ENTHD1: variants seen among roughly 807,000 people sequenced by gnomAD.
ENTHD1 encodes the protein ENTH domain containing 1.
ENTHD1 carries 23 observed loss-of-function variants against 39.1 expected under a neutral mutation model. The observed-to-expected ratio is 0.59, with a 90% CI of 0.42 to 0.83. ENTHD1 has a LOEUF of 0.83. Among genes scored for constraint, ENTHD1 ranks in the 40% least tolerant of loss-of-function variants. The pLI is 0.00. For missense variants in ENTHD1, 624 were observed against 705.4 expected (o/e 0.88, Z 1.31); for synonymous variants, 230 against 258.2 (o/e 0.89, Z 1.05).
At chr22:39,859,080 G>C (rs768823887) in intron 3 of ENTHD1, among the ~76,000 whole-genome samples, 2 of 152,170 alleles carry the variant, frequency 1.3e-5, no homozygotes, top group Non-Finnish European at 2.9e-5. Flanking sequence ...TGTGTGTTAT[G>C]GTGACAGTTG....
chr22:39,867,280 T>C lies in ENTHD1; in HGVS notation c.350-5273A>G, dbSNP rs368591597. 1.8e-3 allele frequency among the ~76,000 whole-genome samples: 269 copies of C among 152,278 alleles called. 1 individual carries two copies. Among genetic ancestry groups the C allele is most frequent in the African/African-American group, 6.0e-3 (250 of 41,558 alleles). On this transcript the variant is annotated intron_variant, in intron 2 of 6. Transcript: ENST00000325157. The surrounding 1 kb of genome is among the most constrained non-coding windows in gnomAD (Gnocchi z 4.5). ...ATGGTAAATTCAAAGATCTTTGGCA[T>C]TGAGATGCACCACTAGGAAAAATAT...
chr22:39,824,105 C>T (rs2065805407), intron 4 of ENTHD1, among the ~76,000 whole-genome samples: 1 of 151,728 alleles, frequency 6.6e-6, no homozygotes, highest in Non-Finnish European at 1.5e-5. Context: ...TCTTTCCATC[C>T]TCTTAACAGG....
chr22:39,874,799 A>C (rs1292869312), intron 2 of ENTHD1, among the ~76,000 whole-genome samples: 2 of 152,248 alleles, frequency 1.3e-5, no homozygotes, highest in Non-Finnish European at 2.9e-5. Flanking sequence ...GGAAATGCAA[A>C]TTAAAACCAA....
chr22:39,813,942 C>T (rs1313019125), intron 5 of ENTHD1, among the ~76,000 whole-genome samples: 3 of 151,966 alleles, frequency 2.0e-5, no homozygotes, highest in African/African-American at 4.8e-5. Context: ...TAAAATGACA[C>T]ATTTTAGAGT....
intron 5 of ENTHD1, among the ~76,000 whole-genome samples, chr22:39,795,815 C>G (rs1451531007): frequency 6.6e-6 from 1 of 152,058 alleles, no homozygotes; most frequent in Admixed American, 6.6e-5. Flanking sequence ...CTTAGTAAAT[C>G]AGGAATTTAT....
rs11367784 is a variant in ENTHD1 at position 39,766,019 on chromosome 22, C to CAAAAAAA, written c.833-417_833-411dup. Among the ~76,000 whole-genome samples the CAAAAAAA allele has an allele frequency of 4.4e-3, 213 of 48,352 alleles. 1 individual carries two copies. Among genetic ancestry groups the CAAAAAAA allele is most frequent in the South Asian group, 5.7e-3 (4 of 700 alleles). 31.7% of individuals were successfully genotyped at this position (48,352 alleles called of 152,430 possible). A position where few individuals can be genotyped will look rare whatever the true frequency, so the allele number is the denominator to read the frequency against. On this transcript the variant is annotated intron_variant, in intron 5 of 6. Transcript: ENST00000325157. ...TCTATCCTTACAGAACCCTCAGCTA[C>CAAAAAAA]AAAAAAAAAAAAAAAAAAAAAAAAA...
intron 5 of ENTHD1, among the ~76,000 whole-genome samples, chr22:39,776,832 C>T (rs1178154340): frequency 6.6e-6 from 1 of 152,124 alleles, no homozygotes; most frequent in Non-Finnish European, 1.5e-5. Flanking sequence ...AGAGATTTTG[C>T]CTGCAGATAG....
At chr22:39,843,561 GTAAC>G (rs2065963478) in intron 3 of ENTHD1, among the ~76,000 whole-genome samples, 1 of 151,826 alleles carries the variant, frequency 6.6e-6, no homozygotes, top group Non-Finnish European at 1.5e-5. Flanking sequence ...GTATACATAT[GTAAC>G]TAACCTGCAC....
At chr22:39,792,533 C>T (rs1030492301) in intron 5 of ENTHD1, among the ~76,000 whole-genome samples, 2 of 152,086 alleles carry the variant, frequency 1.3e-5, no homozygotes, top group African/African-American at 4.8e-5. Context: ...AATTGCAAAT[C>T]TGTGCTGATG....
intron 2 of ENTHD1, among the ~76,000 whole-genome samples, chr22:39,878,402 T>A (rs2066308596): frequency 6.6e-6 from 1 of 151,856 alleles, no homozygotes; most frequent in Admixed American, 6.6e-5. Context: ...TGTGAAACAG[T>A]CACTGATAAT....
At chr22:39,757,463 G>T (rs551314463) in intron 6 of ENTHD1, among the ~76,000 whole-genome samples, 20 of 152,014 alleles carry the variant, frequency 1.3e-4, no homozygotes, top group Non-Finnish European at 2.8e-4. Flanking sequence ...AAAATTTTCG[G>T]CCAGGTGCAG....
chr22:39,782,316 C>T (rs759261198), intron 5 of ENTHD1, among the ~76,000 whole-genome samples: 6 of 151,782 alleles, frequency 4.0e-5, no homozygotes, highest in Non-Finnish European at 7.4e-5. Flanking sequence ...AGATCAAAGC[C>T]GCAATAAAAA....
chr22:39,855,054 A>C (rs2066074011), intron 3 of ENTHD1, among the ~76,000 whole-genome samples: 1 of 152,108 alleles, frequency 6.6e-6, no homozygotes, highest in Admixed American at 6.6e-5. Flanking sequence ...CTGTTTCCTC[A>C]TTTCTATAAC....
At chr22:39,888,505 G>T (rs374193188) in intron 1 of ENTHD1, among the ~76,000 whole-genome samples, 1 of 151,718 alleles carries the variant, frequency 6.6e-6, no homozygotes, top group East Asian at 1.9e-4. Context: ...TTGGCTCACT[G>T]CAACCTCTGC....
chr22:39,884,838 A>C (rs1418432722), intron 2 of ENTHD1, among the ~76,000 whole-genome samples: 1 of 152,202 alleles, frequency 6.6e-6, no homozygotes. Context: ...CAGCACATAC[A>C]CAAATTAATT....
chr22:39,856,898 A>C (rs2066095193), intron 3 of ENTHD1, among the ~76,000 whole-genome samples: 1 of 151,960 alleles, frequency 6.6e-6, no homozygotes. Context: ...GAAAAAGCAC[A>C]CAGTACATCA....
intron 2 of ENTHD1, among the ~76,000 whole-genome samples, chr22:39,880,977 C>A (rs1312823394): frequency 5.9e-5 from 9 of 152,170 alleles, no homozygotes; most frequent in Admixed American, 5.9e-4. Flanking sequence ...AACCTCTGTG[C>A]ACCTTGGTTT....
intron 4 of ENTHD1, among the ~76,000 whole-genome samples, chr22:39,823,633 A>G (rs1482987793): frequency 6.6e-6 from 1 of 152,186 alleles, no homozygotes; most frequent in Non-Finnish European, 1.5e-5. Flanking sequence ...GATTACAGGC[A>G]TGTGCCACTG....
intron 2 of ENTHD1, chr22:39,875,497 C>T: frequency 6.3e-7 from 1 of 1,590,708 alleles, no homozygotes; most frequent in Non-Finnish European, 8.5e-7. Context: ...CCTCCGTGGG[C>T]CTCAATGTCC....
Sources: gnomAD v4.1 joint callset for allele counts (sites outside exome capture counted in the v4.1 genomes callset) on GRCh38, gnomAD v4.1.1 for gene constraint, Gnocchi (gnomAD v3.1) non-coding constraint, MANE v1.5 for transcripts, NCBI Gene and HGNC (gene_info 2026-07-23, HGNC 2026-07-21) for gene names.